Variants in DCP2 observed in about 807,000 individuals in gnomAD.
DCP2 encodes the protein m7GpppN-mRNA hydrolase.
Under a neutral mutation model 56.1 loss-of-function variants are expected in DCP2, and 30 were observed. The ratio of observed to expected loss-of-function variants is 0.53; its 90% CI spans 0.40 to 0.73. The LOEUF is 0.73. Ranked by LOEUF, DCP2 falls within the 30% of genes least tolerant of loss-of-function variation. DCP2 has a pLI of 0.00. For missense variants in DCP2, 533 were observed against 502.7 expected (o/e 1.06, Z -0.58); for synonymous variants, 197 against 163.3 (o/e 1.21, Z -1.57).
chr5:113,013,048 A>G (rs1301982149), intron 10 of DCP2, among the ~76,000 whole-genome samples: 1 of 152,204 alleles, frequency 6.6e-6, no homozygotes, highest in Non-Finnish European at 1.5e-5. Flanking sequence ...CAGGAGGTAA[A>G]GTTACGCTCA....
At chr5:112,985,668 C>G (rs1306249888) in intron 1 of DCP2, among the ~76,000 whole-genome samples, 167 bp from the exon 2 acceptor site, 2 of 152,202 alleles carry the variant, frequency 1.3e-5, no homozygotes, top group East Asian at 3.8e-4. Context: ...CTCTCTAAGA[C>G]TCATCTTCCC....
chr5:113,008,364 G>C (rs760229329), intron 9 of DCP2: 33 of 189,890 alleles, frequency 1.7e-4, no homozygotes, highest in Non-Finnish European at 3.2e-4. Context: ...TTTCAGTGAG[G>C]GTAAAAGTTT....
At chr5:113,010,734 T>C in intron 9 of DCP2, 22 bp from the exon 10 acceptor site, 1 of 1,328,970 alleles carries the variant, frequency 7.5e-7, no homozygotes, top group Non-Finnish European at 1.0e-6. Flanking sequence ...TGTGTGTGTG[T>C]GTTTTTTTTT....
chr5:113,019,933 A>G lies in DCP2; in HGVS notation c.*6449A>G, dbSNP rs1050087541. On this transcript the variant is annotated 3_prime_UTR_variant, in exon 11 of 11. Transcript: ENST00000389063. ...GCCTTTTGTCTAACCGAAATAGGGC[A>G]TACAGATTAGTTTGGATGGGAAAGT... 4.6e-5 allele frequency: 7 copies of G among 152,254 alleles called. No homozygotes were observed. Among genetic ancestry groups the G allele is most frequent in the African/African-American group, 1.7e-4 (7 of 41,482 alleles). 9.4% of individuals were successfully genotyped at this position (152,254 alleles called of 1,614,324 possible).
intron 2 of DCP2, among the ~76,000 whole-genome samples, chr5:112,988,167 A>G (rs1748389899): frequency 6.6e-6 from 1 of 152,028 alleles, no homozygotes; most frequent in Non-Finnish European, 1.5e-5. Context: ...AACGGTAAAG[A>G]ATATTACTCT....
At chr5:113,008,114 C>A in intron 9 of DCP2, 72 bp downstream of exon 9, 1 of 1,242,698 alleles carries the variant, frequency 8.0e-7, no homozygotes, top group Non-Finnish European at 1.2e-6. Context: ...ATTGCCAAAG[C>A]ACAGGAATGT....
At chr5:113,010,645 A>G (rs1749642759) in intron 9 of DCP2, 111 bp from the exon 10 acceptor site, 1 of 1,180,218 alleles carries the variant, frequency 8.5e-7, no homozygotes, top group Admixed American at 3.2e-5. Flanking sequence ...TTCCTGGTTC[A>G]GTTTTTCTTC....
intron 4 of DCP2, among the ~76,000 whole-genome samples, chr5:113,000,538 T>G (rs1049508371): frequency 2.0e-5 from 3 of 152,154 alleles, no homozygotes; most frequent in African/African-American, 7.2e-5. Context: ...ATTGTTAAAA[T>G]TATAAATCCA....
Position 113,007,940 on chromosome 5 carries a change from T to C in DCP2, c.945T>C (p.Asn315=). 1 of 1,612,808 alleles carries C rather than the reference T, an allele frequency of 6.2e-7. No homozygotes were observed. Among genetic ancestry groups the C allele is most frequent in the East Asian group, 2.2e-5 (1 of 44,844 alleles). ...SEMSDLLKGK[N]QSMRGNGRKQ... is the part of the protein sequence containing the mutation. ...TATATTTCTTTTTGGGAAAACAGAA[T>C]CAAAGTATGAGGGGAAATGGCAGAA... Residue 315 remains asparagine (N), a splice_region_variant and synonymous_variant, in exon 9 of 11, where the codon AAT becomes AAC. Coordinates refer to ENST00000389063, the MANE Select transcript of DCP2 (RefSeq NM_152624.6).
intron 2 of DCP2, among the ~76,000 whole-genome samples, chr5:112,986,703 T>C (rs908431327): frequency 6.6e-6 from 1 of 152,064 alleles, no homozygotes; most frequent in Non-Finnish European, 1.5e-5. Context: ...GTGTGGCAAA[T>C]ACAAAGAAGC....
intron 2 of DCP2, among the ~76,000 whole-genome samples, chr5:112,986,733 TCA>T (rs2150171558): frequency 6.6e-6 from 1 of 152,120 alleles, no homozygotes; most frequent in African/African-American, 2.4e-5. Context: ...GTGCAGTGGC[TCA>T]CACCTATAAT....
intron 1 of DCP2, among the ~76,000 whole-genome samples, chr5:112,982,423 G>C (rs1748050360): frequency 6.6e-6 from 1 of 152,124 alleles, no homozygotes; most frequent in Admixed American, 6.5e-5. Context: ...TGAATATCAT[G>C]TTTCATCCTT....
Position 112,997,613 on chromosome 5 carries a change from CT to C in DCP2, c.433-3457del, listed in dbSNP as rs555386404. The stretch of plus-strand genomic sequence containing the variant: ...GGTTACACTTTTTCTTTTTCTTTTT[CT>C]TTTTTTTTTTTTTGAGACGGAGTCT... On this transcript the variant is annotated intron_variant, in intron 4 of 10. Transcript: ENST00000389063. Among the ~76,000 whole-genome samples the C allele has an allele frequency of 6.8e-3, 960 of 140,738 alleles. 3 individuals are homozygous for C. The highest frequency in any genetic ancestry group is 8.7e-3 in the Non-Finnish European group (559 of 64,576). The allele number at this position is 140,738 out of a possible 152,430, so 92.3% of individuals were successfully genotyped here.
chr5:113,012,464 G>A (rs959133589), intron 10 of DCP2, among the ~76,000 whole-genome samples: 6 of 152,060 alleles, frequency 3.9e-5, no homozygotes, highest in Admixed American at 2.0e-4. Flanking sequence ...TTCATGTCCT[G>A]GGAAGCCTCA....
chr5:112,981,386 G>C (rs904583168), intron 1 of DCP2, among the ~76,000 whole-genome samples: 2 of 152,076 alleles, frequency 1.3e-5, no homozygotes, highest in African/African-American at 4.8e-5. Flanking sequence ...GATATGGTGA[G>C]ATGATTAGTG....
In DCP2 at chr5:112,993,484, G is replaced by A. The variant is rs1384467058; in HGVS notation, c.432+714G>A. 2.0e-5 allele frequency among the ~76,000 whole-genome samples: 3 copies of A among 151,980 alleles called. No homozygotes were observed. The East Asian group carries it at 5.8e-4, about 29-fold the overall frequency. On this transcript the variant is annotated intron_variant, in intron 4 of 10. Coordinates refer to ENST00000389063, the MANE Select transcript of DCP2 (RefSeq NM_152624.6). ...TGCTAAAAATACAAAAAATTAGCTG[G>A]GCGTGGTGGTACATTCCTGTAATCC...
chr5:112,996,648 A>G (rs1748869399), intron 4 of DCP2, among the ~76,000 whole-genome samples: 1 of 152,206 alleles, frequency 6.6e-6, no homozygotes, highest in Non-Finnish European at 1.5e-5. Context: ...CAGACAAGCT[A>G]CTTAGGGAGA....
At position 112,992,249 on chromosome 5, in the gene DCP2, G is replaced by C. The variant is rs1461843876; in HGVS notation, c.333+1G>C. On this transcript the variant is annotated splice_donor_variant, in intron 3 of 10. Transcript: ENST00000389063. LOFTEE classifies it high-confidence loss of function. ...TATTCTTGATGAGACACTTGAAAATGTGAGTGTAATGAAATAAAGATTTTT... is the reference window on the plus strand; with the variant it reads ...TATTCTTGATGAGACACTTGAAAATCTGAGTGTAATGAAATAAAGATTTTT... 1 of 1,609,526 alleles carries C rather than the reference G, an allele frequency of 6.2e-7. No individual in the cohort carries two copies. The highest frequency in any genetic ancestry group is 2.2e-5 in the East Asian group (1 of 44,802).
intron 2 of DCP2, 115 bp from the exon 3 acceptor site, chr5:112,992,006 G>A (rs1748616010): frequency 6.9e-7 from 1 of 1,447,058 alleles, no homozygotes; most frequent in Non-Finnish European, 9.4e-7. Flanking sequence ...TTAAATGAGG[G>A]AAGATTTGAA....
Sources: gnomAD v4.1 joint callset for allele counts (sites outside exome capture counted in the v4.1 genomes callset) on GRCh38, gnomAD v4.1.1 for gene constraint, MANE v1.5 for transcripts, NCBI Gene and HGNC (gene_info 2026-07-23, HGNC 2026-07-21) for gene names.